The following PCDH15 variants were observed in gnomAD, a reference collection of about 807,000 sequenced individuals.
PCDH15 encodes the protein protocadherin-15.
PCDH15 carries 129 observed loss-of-function variants against 178.5 expected under a neutral mutation model. That is an observed-to-expected ratio of 0.72 (90% CI 0.63 to 0.84). PCDH15 has a LOEUF of 0.84. Among genes scored for constraint, PCDH15 ranks in the 40% least tolerant of loss-of-function variants. The probability of loss-of-function intolerance (pLI) is 0.00; values close to 1 mark genes in which losing one functional copy is unlikely to be tolerated. For missense variants in PCDH15, 2,230 were observed against 2,099.9 expected, an observed-to-expected ratio of 1.06 and a Z score of -1.21; for synonymous variants, 800 against 732.0, an observed-to-expected ratio of 1.09 and a Z score of -1.50.
intron 1 of PCDH15, among the ~76,000 whole-genome samples, chr10:54,697,698 A>G (rs2095254232): frequency 9.9e-6 from 1 of 100,878 alleles, no homozygotes; most frequent in African/African-American, 3.5e-5. Flanking sequence ...GGAGGAAGGG[A>G]GGAAGGGAGG....
At chr10:55,388,599 A>G (rs908014483) in intron 2 of PCDH15, among the ~76,000 whole-genome samples, 3 of 152,106 alleles carry the variant, frequency 2.0e-5, no homozygotes, top group Non-Finnish European at 4.4e-5. Flanking sequence ...CCTAAATGCT[A>G]TTCTATATGT....
intron 3 of PCDH15, among the ~76,000 whole-genome samples, chr10:54,421,824 ATATATATATATATACACACACAC>A (rs1955435515): frequency 1.1e-4 from 8 of 76,082 alleles, no homozygotes; most frequent in Non-Finnish European, 1.7e-4. Flanking sequence ...GTGTATATAT[ATATATATATATATACACACACAC>A]TATATATATA....
chr10:54,236,576 C>T (rs1435075780), intron 9 of PCDH15, among the ~76,000 whole-genome samples: 1 of 151,930 alleles, frequency 6.6e-6, no homozygotes, highest in Admixed American at 6.6e-5. Context: ...AGGTTAATTT[C>T]CTAATATTTT....
At chr10:55,170,262 G>T (rs555749700) in intron 1 of PCDH15, among the ~76,000 whole-genome samples, 14 of 151,970 alleles carry the variant, frequency 9.2e-5, no homozygotes, top group African/African-American at 2.9e-4. Flanking sequence ...CAATCCTCCT[G>T]CCTCAGCCCC....
intron 2 of PCDH15, among the ~76,000 whole-genome samples, chr10:54,642,597 T>C (rs2094017320): frequency 6.6e-6 from 1 of 152,190 alleles, no homozygotes; most frequent in Non-Finnish European, 1.5e-5. Flanking sequence ...GCATATTATA[T>C]GTGCATTATC....
At chr10:54,237,118 G>A (rs1197920036) in intron 8 of PCDH15, among the ~76,000 whole-genome samples, 187 bp from the exon 9 acceptor site, 1 of 152,100 alleles carries the variant, frequency 6.6e-6, no homozygotes, top group Non-Finnish European at 1.5e-5. Flanking sequence ...TATTCTCAAA[G>A]TCAAAATGGT....
Position 54,181,413 on chromosome 10 carries a change from CA to C in PCDH15, c.1590+2030del, listed in dbSNP as rs1350227003. Among the ~76,000 whole-genome samples the C allele has an allele frequency of 5.9e-5, 9 of 152,116 alleles. No homozygotes were observed. The East Asian group carries it at 1.2e-3, about 20-fold the overall frequency. On this transcript the variant is annotated intron_variant, in intron 13 of 37. Coordinates refer to ENST00000644397, the MANE Select transcript of PCDH15 (RefSeq NM_001384140.1). ...ATAATTTTAACTTTTATTTCAGATTCAGGGGGTACATACGCAAGTTTATTAC... is the reference window on the plus strand; with the variant it reads ...ATAATTTTAACTTTTATTTCAGATTCGGGGGTACATACGCAAGTTTATTAC...
chr10:55,209,840 T>G (rs1840513029), intron 1 of PCDH15, among the ~76,000 whole-genome samples: 1 of 152,100 alleles, frequency 6.6e-6, no homozygotes, highest in Non-Finnish European at 1.5e-5. Flanking sequence ...AAGCGATCCA[T>G]GCTAAAGATT....
chr10:55,029,673 G>C (rs1015870242), intron 2 of PCDH15, among the ~76,000 whole-genome samples: 5 of 152,148 alleles, frequency 3.3e-5, no homozygotes, highest in African/African-American at 1.2e-4. Context: ...GTAACTGCCT[G>C]TTCCTTCTAT....
intron 2 of PCDH15, among the ~76,000 whole-genome samples, chr10:55,100,078 C>T (rs1475756245): frequency 1.3e-5 from 2 of 152,020 alleles, no homozygotes; most frequent in African/African-American, 4.8e-5. Flanking sequence ...TGAATACTTA[C>T]CAAGAGCATT....
At chr10:55,006,815 A>G (rs1192486667) in intron 2 of PCDH15, among the ~76,000 whole-genome samples, 1 of 152,178 alleles carries the variant, frequency 6.6e-6, no homozygotes, top group Admixed American at 6.5e-5. Context: ...AATTTCCGTA[A>G]GGCCTGTAGC....
intron 2 of PCDH15, among the ~76,000 whole-genome samples, chr10:55,101,015 C>CT (rs1842563510): frequency 6.6e-6 from 1 of 152,194 alleles, no homozygotes; most frequent in African/African-American, 2.4e-5. Context: ...CAATTGTTTA[C>CT]TTTTTTTGCT....
At chr10:55,221,723 C>A (rs769741630) in intron 1 of PCDH15, among the ~76,000 whole-genome samples, 2 of 151,978 alleles carry the variant, frequency 1.3e-5, no homozygotes, top group Non-Finnish European at 2.9e-5. Flanking sequence ...TATGCACGTC[C>A]TCCATAGAAG....
chr10:54,183,566 T>G lies in PCDH15; in HGVS notation c.1468A>C (p.Ser490Arg), dbSNP rs765756676. The change falls in exon 13 of 38, where the codon AGT becomes CGT. Residue 490 changes from serine to arginine, a missense_variant. Coordinates refer to ENST00000644397, the MANE Select transcript of PCDH15 (RefSeq NM_001384140.1). ...TGAATATTGACGATGACTGGCTCAC[T>G]TTCTTGTACACCATCAAATGCTGTT... ...SITAFDGVQESEPVIVNIQVM... is the reference protein window; with the variant it reads ...SITAFDGVQEREPVIVNIQVM... 1 of 1,614,006 alleles carries G rather than the reference T, an allele frequency of 6.2e-7. No homozygotes were observed. The highest frequency in any genetic ancestry group is 1.3e-5 in the African/African-American group (1 of 75,034).
intron 1 of PCDH15, among the ~76,000 whole-genome samples, chr10:55,207,610 CAGAT>C (rs1179421679): frequency 1.3e-5 from 2 of 152,112 alleles, no homozygotes; most frequent in Non-Finnish European, 2.9e-5. Context: ...TTTTTCTACT[CAGAT>C]AGTTATAATC....
chr10:54,885,815 G>A (rs937861234), intron 3 of PCDH15, among the ~76,000 whole-genome samples: 3 of 151,998 alleles, frequency 2.0e-5, no homozygotes, highest in African/African-American at 7.2e-5. Flanking sequence ...CCTACATATA[G>A]GAAGAAAGAG....
chr10:53,838,492 G>T (rs1037718357), intron 29 of PCDH15, among the ~76,000 whole-genome samples: 11 of 152,022 alleles, frequency 7.2e-5, no homozygotes, highest in African/African-American at 2.4e-4. Context: ...TAGAAGGTTT[G>T]CTAGTTAAAT....
chr10:54,004,563 G>C (rs974578088), intron 20 of PCDH15, among the ~76,000 whole-genome samples: 1 of 151,878 alleles, frequency 6.6e-6, no homozygotes, highest in Non-Finnish European at 1.5e-5. Context: ...ATGTAAAACA[G>C]CTACAATTAA....
intron 5 of PCDH15, among the ~76,000 whole-genome samples, chr10:54,360,376 T>G (rs1425457264): frequency 1.3e-5 from 2 of 152,126 alleles, no homozygotes; most frequent in Non-Finnish European, 2.9e-5. Context: ...TCTTTTTGGC[T>G]GAAGCACCTG....
Sources: allele counts gnomAD v4.1 joint callset (sites outside exome capture counted in the v4.1 genomes callset), GRCh38; gene constraint gnomAD v4.1.1; transcripts MANE v1.5; gene names NCBI Gene and HGNC (gene_info 2026-07-23, HGNC 2026-07-21).